Variants in SLC6A11 observed in about 807,000 individuals in gnomAD.
SLC6A11 encodes sodium- and chloride-dependent GABA transporter 3.
A neutral mutation model predicts 74.8 loss-of-function variants in SLC6A11; 25 were observed. The observed-to-expected ratio is 0.33, with a 90% confidence interval of 0.24 to 0.47. SLC6A11 has a LOEUF of 0.47. Among genes scored for constraint, SLC6A11 ranks in the 20% least tolerant of loss-of-function variants. The pLI is 1.00. For synonymous variants in SLC6A11, 330 were observed against 330.2 expected (o/e 1.00, Z 0.01); for missense variants, 574 against 837.0 (o/e 0.69, Z 3.88).
Position 10,835,392 on chromosome 3 carries a change from C to T in SLC6A11, c.624-8822C>T, listed in dbSNP as rs578238719. ...AGAGAGAATGGCTGCGTTATGAACCCGTGATGGATTCTTCACAGCTGCGGC... is the reference window on the plus strand; with the variant it reads ...AGAGAGAATGGCTGCGTTATGAACCTGTGATGGATTCTTCACAGCTGCGGC... On this transcript the variant is annotated intron_variant, in intron 4 of 13. Transcript: ENST00000254488. 2.2e-3 allele frequency among the ~76,000 whole-genome samples: 338 copies of T among 152,302 alleles called. 3 individuals carry two copies. Among genetic ancestry groups the T allele is most frequent in the Admixed American group, 3.8e-3 (58 of 15,296 alleles).
intron 4 of SLC6A11, among the ~76,000 whole-genome samples, chr3:10,833,095 C>T (rs1211140751): frequency 6.6e-6 from 1 of 152,132 alleles, no homozygotes; most frequent in Non-Finnish European, 1.5e-5. Context: ...GAGTTTCGCT[C>T]TTGTCGCCCA....
In SLC6A11 at chr3:10,939,936, C is replaced by G. The variant is rs1049475297; in HGVS notation, c.*1534C>G. On this transcript the variant is annotated 3_prime_UTR_variant, in exon 14 of 14. Coordinates refer to ENST00000254488, the MANE Select transcript of SLC6A11 (RefSeq NM_014229.3). ...GGTGGGGAAGGCACACTCTTTTTTC[C>G]TTTTTCCTTAGGTTCCCAATATTAT... 2 of 152,112 alleles carry G rather than the reference C, an allele frequency of 1.3e-5. No homozygotes were observed. Among genetic ancestry groups the G allele is most frequent in the African/African-American group, 4.8e-5 (2 of 41,428 alleles). 9.4% of individuals were successfully genotyped at this position (152,112 alleles called of 1,614,324 possible). A position where few individuals can be genotyped will look rare whatever the true frequency, so the allele number is the denominator to read the frequency against.
Position 10,929,233 on chromosome 3 carries a change from T to C in SLC6A11, c.1265T>C (p.Val422Ala), listed in dbSNP as rs1180035388. 6.2e-7 allele frequency: 1 copy of C among 1,614,134 alleles called. No homozygotes were observed. The highest frequency in any genetic ancestry group is 8.5e-7 in the Non-Finnish European group (1 of 1,180,006). Residue 422 changes from valine (V) to alanine (A), a missense_variant, in exon 10 of 14, where the codon GTG becomes GCG. This residue lies in a region of SLC6A11 where 257 missense variants were observed against 341.5 expected (regional missense o/e 0.75). Coordinates refer to ENST00000254488, the MANE Select transcript of SLC6A11 (RefSeq NM_014229.3). ...FVCVESLVTAVVDMYPKVFRR... is the reference protein window; with the variant it reads ...FVCVESLVTAAVDMYPKVFRR... Reference sequence around the variant, plus strand: ...TGTGTGGAAAGCCTGGTGACCGCCGTGGTGGACATGTACCCCAAGGTTTTC... The same window carrying C: ...TGTGTGGAAAGCCTGGTGACCGCCGCGGTGGACATGTACCCCAAGGTTTTC...
intron 4 of SLC6A11, among the ~76,000 whole-genome samples, chr3:10,830,242 T>A (rs562636033): frequency 6.6e-6 from 1 of 152,180 alleles, no homozygotes; most frequent in Non-Finnish European, 1.5e-5. Flanking sequence ...ATGGAGTGAG[T>A]AAATGACATA....
chr3:10,871,246 C>T (rs1694825164), intron 5 of SLC6A11, among the ~76,000 whole-genome samples: 1 of 152,158 alleles, frequency 6.6e-6, no homozygotes, highest in South Asian at 2.1e-4. Context: ...CATAGCATAA[C>T]CAGCAAGCAT....
chr3:10,911,104 A>G lies in SLC6A11; in HGVS notation c.892-986A>G, dbSNP rs537623507. On this transcript the variant is annotated intron_variant, in intron 6 of 13. Coordinates refer to ENST00000254488, the MANE Select transcript of SLC6A11 (RefSeq NM_014229.3). ...TTCCCAAAGTGCTGGGATTACAGGCATGAGCCACCCACCATGCCCGGCCGG... is the reference window on the plus strand; with the variant it reads ...TTCCCAAAGTGCTGGGATTACAGGCGTGAGCCACCCACCATGCCCGGCCGG... Among the ~76,000 whole-genome samples, 102 of 152,294 alleles carry G rather than the reference A, an allele frequency of 6.7e-4. 1 individual carries two copies. Among genetic ancestry groups the G allele is most frequent in the African/African-American group, 2.4e-3 (100 of 41,564 alleles).
At chr3:10,852,205 G>A (rs1008002537) in intron 5 of SLC6A11, among the ~76,000 whole-genome samples, 6 of 152,238 alleles carry the variant, frequency 3.9e-5, no homozygotes, top group South Asian at 2.1e-4. Context: ...GGCCAGGGCC[G>A]ATGTCTGCAT....
intron 4 of SLC6A11, among the ~76,000 whole-genome samples, chr3:10,830,148 A>T (rs1559553790): frequency 6.6e-6 from 1 of 152,172 alleles, no homozygotes; most frequent in Non-Finnish European, 1.5e-5. Context: ...AACCCTGGAT[A>T]CCTGGACTTT....
intron 5 of SLC6A11, 106 bp downstream of exon 5, chr3:10,844,452 G>A: frequency 2.9e-6 from 4 of 1,396,248 alleles, no homozygotes; most frequent in Non-Finnish European, 4.0e-6. Context: ...CAGCACTTAA[G>A]TTGGGAGCGG....
chr3:10,911,984 T>G, intron 6 of SLC6A11, 106 bp from the exon 7 acceptor site: 1 of 779,424 alleles, frequency 1.3e-6, no homozygotes, highest in East Asian at 2.5e-5. Flanking sequence ...CCTTATGGAG[T>G]TTTTCTGAAG....
chr3:10,918,240 G>A lies in SLC6A11; in HGVS notation c.996-89G>A, dbSNP rs1475309201. 1 of 1,412,674 alleles carries A rather than the reference G, an allele frequency of 7.1e-7. No homozygotes were observed. Among genetic ancestry groups the A allele is most frequent in the African/African-American group, 1.5e-5 (1 of 67,008 alleles). 87.5% of individuals were successfully genotyped at this position (1,412,674 alleles called of 1,614,324 possible). On this transcript the variant is annotated intron_variant, in intron 7 of 13. Transcript: ENST00000254488. This position sits in a 1 kb window ranked among gnomAD's most constrained non-coding sequence, Gnocchi z 4.5. ...CTGCACTTCCCTGCCTGCCTCACAG[G>A]ACAGCCATGGTGCTCGGGTGGAGAA... is the stretch of plus-strand genomic sequence containing the variant.
chr3:10,870,683 G>A (rs989802113), intron 5 of SLC6A11, among the ~76,000 whole-genome samples: 1 of 152,314 alleles, frequency 6.6e-6, no homozygotes, highest in African/African-American at 2.4e-5. Flanking sequence ...TTTTAAAGTG[G>A]CTTTAAAAGA....
chr3:10,834,354 T>C (rs1252439382), intron 4 of SLC6A11, among the ~76,000 whole-genome samples: 1 of 148,908 alleles, frequency 6.7e-6, no homozygotes, highest in Non-Finnish European at 1.5e-5. Context: ...TTTTTTTTGT[T>C]TTTTTTTTCA....
chr3:10,837,181 G>T (rs77102734), intron 4 of SLC6A11, among the ~76,000 whole-genome samples: 3,076 of 152,290 alleles, frequency 0.02, 72 homozygotes, highest in East Asian at 0.12. Flanking sequence ...AGATAACTGG[G>T]GAGAATTGGG....
intron 1 of SLC6A11, among the ~76,000 whole-genome samples, 169 bp from the exon 2 acceptor site, chr3:10,819,296 C>G (rs539479572): frequency 6.6e-6 from 1 of 152,174 alleles, no homozygotes; most frequent in African/African-American, 2.4e-5. Context: ...GTGAGGTAGA[C>G]TTACAGAAAC....
At chr3:10,908,706 G>T (rs181530979) in intron 6 of SLC6A11, among the ~76,000 whole-genome samples, 563 of 152,256 alleles carry the variant, frequency 3.7e-3, no homozygotes, top group Middle Eastern at 0.01. Flanking sequence ...GGAGTGCTAT[G>T]TAAAATTGAG....
intron 6 of SLC6A11, among the ~76,000 whole-genome samples, chr3:10,895,592 C>T (rs893183055): frequency 2.6e-5 from 4 of 152,140 alleles, no homozygotes; most frequent in Non-Finnish European, 5.9e-5. Flanking sequence ...ACACTGGGGC[C>T]TGTTGGGGGG....
chr3:10,909,278 T>C (rs1202526882), intron 6 of SLC6A11, among the ~76,000 whole-genome samples: 3 of 151,838 alleles, frequency 2.0e-5, no homozygotes, highest in Non-Finnish European at 4.4e-5. Context: ...AAAGTAAAAT[T>C]GAGGTGCTGT....
intron 13 of SLC6A11, among the ~76,000 whole-genome samples, chr3:10,937,061 A>G (rs1695768047): frequency 6.6e-6 from 1 of 152,120 alleles, no homozygotes; most frequent in African/African-American, 2.4e-5. Context: ...GGGGACGGGA[A>G]GGATCTAGAG....
Sources: gnomAD v4.1 joint callset for allele counts (sites outside exome capture counted in the v4.1 genomes callset) on GRCh38, gnomAD v4.1.1 for gene constraint, gnomAD v4.1.1 regional missense constraint, Gnocchi (gnomAD v3.1) non-coding constraint, MANE v1.5 for transcripts, NCBI Gene and HGNC (gene_info 2026-07-23, HGNC 2026-07-21) for gene names.